The following TUSC3 variants were observed in gnomAD, a reference collection of about 807,000 sequenced individuals.
TUSC3 encodes the protein dolichyl-diphosphooligosaccharide--protein glycosyltransferase subunit TUSC3.
A neutral mutation model predicts 44.8 loss-of-function variants in TUSC3; 45 were observed. That is an observed-to-expected ratio of 1.00 (90% CI 0.79 to 1.29). TUSC3 has a LOEUF of 1.29. Among genes scored for constraint, TUSC3 ranks in the 50% most tolerant of loss-of-function variants. The probability of loss-of-function intolerance (pLI) is 0.00; values close to 1 mark genes in which losing one functional copy is unlikely to be tolerated. For missense variants in TUSC3, 519 were observed against 437.9 expected (o/e 1.19, Z -1.65); for synonymous variants, 212 against 152.9 (o/e 1.39, Z -2.85).
At chr8:15,488,496 T>C (rs1433633736) in intron 2 of TUSC3, among the ~76,000 whole-genome samples, 2 of 152,030 alleles carry the variant, frequency 1.3e-5, no homozygotes, top group African/African-American at 2.4e-5. Flanking sequence ...AGTAAGACCC[T>C]CTCTCAAAAA....
At chr8:15,692,370 C>CG (rs1563175835) in intron 6 of TUSC3, among the ~76,000 whole-genome samples, 9 of 39,236 alleles carry the variant, frequency 2.3e-4, no homozygotes, top group African/African-American at 1.0e-4. Context: ...CCCCCCCCCC[C>CG]CTTTGTTTTT....
chr8:15,805,225 CT>C, the TUSC3 span, among the ~76,000 whole-genome samples: 1 of 151,972 alleles, frequency 6.6e-6, no homozygotes, highest in African/African-American at 2.4e-5. Flanking sequence ...ATCCAGGAGT[CT>C]TTCGGTGGAG....
chr8:15,666,127 G>C (rs951473054), intron 5 of TUSC3, among the ~76,000 whole-genome samples: 1 of 151,440 alleles, frequency 6.6e-6, no homozygotes, highest in South Asian at 2.1e-4. Flanking sequence ...ACCAAAATGA[G>C]TTAAAATTGT....
the TUSC3 span, among the ~76,000 whole-genome samples, chr8:15,803,499 G>C: frequency 1.3e-5 from 2 of 152,068 alleles, no homozygotes; most frequent in East Asian, 1.9e-4. Flanking sequence ...TCTTATGTAA[G>C]GTTGAAATAC....
chr8:15,443,842 A>G (rs1285467327), intron 1 of TUSC3, among the ~76,000 whole-genome samples: 1 of 152,154 alleles, frequency 6.6e-6, no homozygotes, highest in Non-Finnish European at 1.5e-5. Context: ...ATTAGCTGGC[A>G]CCACCCAGAC....
intron 1 of TUSC3, among the ~76,000 whole-genome samples, chr8:15,558,959 G>A (rs1802363318): frequency 1.3e-5 from 2 of 150,646 alleles, no homozygotes; most frequent in East Asian, 2.0e-4. Flanking sequence ...ACCAGCTCCT[G>A]GATTCATTAA....
At chr8:15,720,102 C>T (rs975714013) in intron 6 of TUSC3, among the ~76,000 whole-genome samples, 3 of 151,574 alleles carry the variant, frequency 2.0e-5, no homozygotes, top group African/African-American at 7.3e-5. Context: ...TTTGTAGAGA[C>T]AGTGAGTGTC....
intron 2 of TUSC3, among the ~76,000 whole-genome samples, chr8:15,511,767 G>A (rs1390668147): frequency 6.6e-6 from 1 of 152,096 alleles, no homozygotes; most frequent in Admixed American, 6.6e-5. Context: ...ATACTTGGGA[G>A]GCTGAGGAAG....
At chr8:15,709,925 A>G (rs773220014) in intron 6 of TUSC3, among the ~76,000 whole-genome samples, 5 of 151,872 alleles carry the variant, frequency 3.3e-5, no homozygotes, top group Non-Finnish European at 5.9e-5. Context: ...AAATTGACCT[A>G]CAGTCACATT....
chr8:15,736,807 A>G (rs1186693852), intron 7 of TUSC3, among the ~76,000 whole-genome samples: 2 of 152,150 alleles, frequency 1.3e-5, no homozygotes. Context: ...AGATCAAATT[A>G]GTTTCCGTAG....
chr8:15,512,071 A>G (rs1202550147), intron 2 of TUSC3, among the ~76,000 whole-genome samples: 1 of 152,228 alleles, frequency 6.6e-6, no homozygotes, highest in Non-Finnish European at 1.5e-5. Flanking sequence ...CCTTTGAAAA[A>G]GAGGAACAAT....
At chr8:15,515,738 G>T (rs1201059420) in intron 2 of TUSC3, among the ~76,000 whole-genome samples, 1 of 151,996 alleles carries the variant, frequency 6.6e-6, no homozygotes. Context: ...TGCAATCTCG[G>T]CCCACTGCAA....
At chr8:15,790,749 A>G in the TUSC3 span, among the ~76,000 whole-genome samples, 130 of 152,314 alleles carry the variant, frequency 8.5e-4, no homozygotes, top group Non-Finnish European at 1.3e-3. Context: ...TAGAACTGGT[A>G]AAAACTCAAA....
intron 2 of TUSC3, among the ~76,000 whole-genome samples, chr8:15,503,601 G>A (rs1376980742): frequency 6.6e-6 from 1 of 152,086 alleles, no homozygotes; most frequent in African/African-American, 2.4e-5. Flanking sequence ...CTACTCACAA[G>A]GCTAAGAAGG....
intron 9 of TUSC3, among the ~76,000 whole-genome samples, chr8:15,754,936 C>A (rs988028334): frequency 6.6e-6 from 1 of 152,142 alleles, no homozygotes; most frequent in Admixed American, 6.5e-5. Context: ...CTATGCCCTT[C>A]ATCATATTTT....
intron 1 of TUSC3, among the ~76,000 whole-genome samples, chr8:15,544,028 T>G (rs1188224347): frequency 2.6e-5 from 4 of 152,122 alleles, no homozygotes; most frequent in Admixed American, 6.6e-5. Context: ...TATTCCCTGT[T>G]GGAGAATGTG....
intron 1 of TUSC3, among the ~76,000 whole-genome samples, chr8:15,446,143 C>T (rs1800094472): frequency 6.6e-6 from 1 of 151,556 alleles, no homozygotes. Flanking sequence ...CGCGGCCGGG[C>T]AGAGGCGCTC....
chr8:15,693,980 T>A (rs1166038904), intron 6 of TUSC3, among the ~76,000 whole-genome samples: 1 of 152,126 alleles, frequency 6.6e-6, no homozygotes, highest in Non-Finnish European at 1.5e-5. Flanking sequence ...TTCAGCTCTA[T>A]CAGCTCAGTT....
chr8:15,507,663 A>G (rs1051773534), intron 2 of TUSC3, among the ~76,000 whole-genome samples: 2 of 152,202 alleles, frequency 1.3e-5, no homozygotes, highest in African/African-American at 4.8e-5. Flanking sequence ...ATGTTATACA[A>G]AATACAAAAT....
Sources: allele counts gnomAD v4.1 joint callset (sites outside exome capture counted in the v4.1 genomes callset), GRCh38; gene constraint gnomAD v4.1.1; transcripts MANE v1.5; gene names NCBI Gene and HGNC (gene_info 2026-07-23, HGNC 2026-07-21).